PXDNL: variants seen among roughly 807,000 people sequenced by gnomAD.
PXDNL encodes the protein probable oxidoreductase PXDNL.
Under a neutral mutation model 150.8 loss-of-function variants are expected in PXDNL, and 145 were observed. That is an observed-to-expected ratio of 0.96 (90% CI 0.84 to 1.10). The LOEUF (loss-of-function observed/expected upper bound fraction) is 1.10. PXDNL is among the 50% of genes least tolerant of loss of function. The pLI is 0.00. For missense variants in PXDNL, 2,087 were observed against 1,873.9 expected, an observed-to-expected ratio of 1.11 and a Z score of -2.10; for synonymous variants, 757 against 725.7, an observed-to-expected ratio of 1.04 and a Z score of -0.69.
At chr8:51,605,516 A>C (rs1813820060) in intron 2 of PXDNL, among the ~76,000 whole-genome samples, 1 of 151,726 alleles carries the variant, frequency 6.6e-6, no homozygotes, top group Admixed American at 6.6e-5. Context: ...ATTATTAAAA[A>C]GAAAATCACA....
chr8:51,362,935 G>C (rs559231730), intron 19 of PXDNL, among the ~76,000 whole-genome samples: 8 of 152,154 alleles, frequency 5.3e-5, no homozygotes, highest in Non-Finnish European at 8.8e-5. Flanking sequence ...AATATAAGTA[G>C]GTACTTGTTT....
rs149732507 is a variant in PXDNL, at chr8:51,360,779, T to C, written c.3901+11094A>G. Among the ~76,000 whole-genome samples the C allele has an allele frequency of 7.1e-3, 1,085 of 152,344 alleles. 5 individuals carry two copies. Among genetic ancestry groups the C allele is most frequent in the Non-Finnish European group, 0.012 (820 of 68,024 alleles). ...GCCAACTCTTTCAAACTGTGTTCAA[T>C]AATGCAAATGCTGGTCTGGAACCAA... is the stretch of plus-strand genomic sequence containing the variant. On this transcript the variant is annotated intron_variant, in intron 19 of 22. Transcript: ENST00000356297.
chr8:51,728,845 G>A (rs1448661015), intron 1 of PXDNL, among the ~76,000 whole-genome samples: 3 of 152,184 alleles, frequency 2.0e-5, no homozygotes, highest in South Asian at 2.1e-4. Flanking sequence ...CTACAGTGGT[G>A]TACAGGAATG....
rs912711262 is a variant in PXDNL, at chr8:51,712,613, T to G, written c.165-57853A>C. On this transcript the variant is annotated intron_variant, in intron 1 of 22. Coordinates refer to ENST00000356297, the MANE Select transcript of PXDNL (RefSeq NM_144651.5). The stretch of plus-strand genomic sequence containing the variant: ...TGGACACTGATCACATGTATCAAAG[T>G]TAATGTAAACAGACAACCTTAGTTA... Among the ~76,000 whole-genome samples, 3 of 152,318 alleles carry G rather than the reference T, an allele frequency of 2.0e-5. No individual in the cohort carries two copies. In the South Asian group the frequency reaches 6.2e-4, roughly 32 times the overall value.
intron 1 of PXDNL, among the ~76,000 whole-genome samples, chr8:51,797,083 T>C (rs139320719): frequency 0.025 from 3,784 of 152,240 alleles, 161 homozygotes; most frequent in African/African-American, 0.086. Flanking sequence ...CACATGATTA[T>C]CTCAATAGAC....
chr8:51,657,422 C>T (rs991175893), intron 1 of PXDNL, among the ~76,000 whole-genome samples: 8 of 152,148 alleles, frequency 5.3e-5, no homozygotes, highest in African/African-American at 1.9e-4. Context: ...CTATGTTGTT[C>T]CTTGTCTACA....
At chr8:51,776,578 G>C (rs768754293) in intron 1 of PXDNL, among the ~76,000 whole-genome samples, 2 of 152,056 alleles carry the variant, frequency 1.3e-5, no homozygotes, top group East Asian at 1.9e-4. Flanking sequence ...CCTTATACAG[G>C]CTCCTCTAAC....
At chr8:51,742,439 A>C (rs28655742) in intron 1 of PXDNL, among the ~76,000 whole-genome samples, 1 of 152,056 alleles carries the variant, frequency 6.6e-6, no homozygotes, top group South Asian at 2.1e-4. Flanking sequence ...TGTCAGTGTT[A>C]ATTTCCTCAC....
intron 1 of PXDNL, among the ~76,000 whole-genome samples, chr8:51,761,266 A>G (rs905499113): frequency 6.6e-6 from 1 of 152,000 alleles, no homozygotes; most frequent in East Asian, 1.9e-4. Context: ...ATCCCATGGC[A>G]TTTGCTGAGA....
chr8:51,382,276 G>A (rs1366245204), intron 17 of PXDNL, among the ~76,000 whole-genome samples: 2 of 152,128 alleles, frequency 1.3e-5, no homozygotes, highest in African/African-American at 2.4e-5. Context: ...CAGAAACTAG[G>A]AAAAGCAAAG....
chr8:51,742,060 A>C (rs1177258241), intron 1 of PXDNL, among the ~76,000 whole-genome samples: 1 of 152,264 alleles, frequency 6.6e-6, no homozygotes, highest in Non-Finnish European at 1.5e-5. Flanking sequence ...TTACTCAGCA[A>C]CAGCGAAAGA....
chr8:51,370,285 T>C (rs925662812), intron 19 of PXDNL, among the ~76,000 whole-genome samples: 12 of 151,882 alleles, frequency 7.9e-5, no homozygotes, highest in Admixed American at 5.2e-4. Flanking sequence ...CACGGAGCCA[T>C]TGCTTCCTTG....
In PXDNL at chr8:51,606,091, G is replaced by T. The variant is rs142336498; in HGVS notation, c.237-13393C>A. On this transcript the variant is annotated intron_variant, in intron 2 of 22. Coordinates refer to ENST00000356297, the MANE Select transcript of PXDNL (RefSeq NM_144651.5). ...CAGATCTCTTTTTAAAAAAAGAAAA[G>T]ATGCCAGATTCTATGAGATTGTGAA... Among the ~76,000 whole-genome samples the T allele has an allele frequency of 9.1e-3, 1,391 of 152,238 alleles. 12 individuals carry two copies. Among genetic ancestry groups the T allele is most frequent in the South Asian group, 0.015 (74 of 4,818 alleles).
At chr8:51,404,250 G>T (rs982650074) in intron 17 of PXDNL, among the ~76,000 whole-genome samples, 1 of 152,224 alleles carries the variant, frequency 6.6e-6, no homozygotes, top group Admixed American at 6.5e-5. Flanking sequence ...GGAGTGGATT[G>T]CCACTGTTGG....
intron 1 of PXDNL, among the ~76,000 whole-genome samples, chr8:51,705,496 A>G (rs1372441991): frequency 1.3e-5 from 2 of 152,226 alleles, no homozygotes; most frequent in Non-Finnish European, 2.9e-5. Flanking sequence ...TCTAAACAGT[A>G]CTTGTACTGG....
rs115215956 is a variant in PXDNL, at chr8:51,329,200, C to T, written c.4147-8303G>A. On this transcript the variant is annotated intron_variant, in intron 21 of 22. Transcript: ENST00000356297. Reference sequence around the variant, plus strand: ...AGGATGATAAAATATTTCCCATCCCCACACCTGACCAGCACATCAACAGGA... The same window carrying T: ...AGGATGATAAAATATTTCCCATCCCTACACCTGACCAGCACATCAACAGGA... 4.7e-3 allele frequency among the ~76,000 whole-genome samples: 720 copies of T among 152,292 alleles called. 5 individuals are homozygous for T. Among genetic ancestry groups the T allele is most frequent in the African/African-American group, 0.017 (695 of 41,560 alleles).
chr8:51,659,104 A>G (rs1158369214), intron 1 of PXDNL, among the ~76,000 whole-genome samples: 1 of 152,194 alleles, frequency 6.6e-6, no homozygotes, highest in African/African-American at 2.4e-5. Context: ...GTAGCATTGT[A>G]TTTTTACTCC....
chr8:51,642,721 G>C (rs548885985), intron 2 of PXDNL, among the ~76,000 whole-genome samples: 8 of 152,184 alleles, frequency 5.3e-5, no homozygotes, highest in Admixed American at 5.2e-4. Context: ...GAAATAAAGG[G>C]TATTCAATTA....
chr8:51,662,212 G>A (rs1325990005), intron 1 of PXDNL, among the ~76,000 whole-genome samples: 1 of 152,064 alleles, frequency 6.6e-6, no homozygotes, highest in African/African-American at 2.4e-5. Flanking sequence ...AAAATATTTG[G>A]AAGAAGCAAC....
Sources: allele counts gnomAD v4.1 joint callset (sites outside exome capture counted in the v4.1 genomes callset), GRCh38; gene constraint gnomAD v4.1.1; transcripts MANE v1.5; gene names NCBI Gene and HGNC (gene_info 2026-07-23, HGNC 2026-07-21).